SDK2: variants seen among roughly 807,000 people sequenced by gnomAD.
SDK2 encodes protein sidekick-2.
A neutral mutation model predicts 253.9 loss-of-function variants in SDK2; 105 were observed. That is an observed-to-expected ratio of 0.41 (90% CI 0.35 to 0.49). The LOEUF (loss-of-function observed/expected upper bound fraction) is 0.49. SDK2 is among the 20% of genes least tolerant of loss of function. The pLI, the probability that SDK2 is intolerant of heterozygous loss-of-function variation, is 0.06. For synonymous variants in SDK2, 1,249 were observed against 1,234.9 expected (o/e 1.01, Z -0.24); for missense variants, 2,608 against 3,003.0 (o/e 0.87, Z 3.07).
chr17:73,415,926 G>A lies in SDK2; in HGVS notation c.2253C>T (p.Asn751=), dbSNP rs1281574954. ...FKNITDADVN[N]LLLEDLIIWT... ...AAATGATGAGATCCTCCAGCAGCAG[G>A]TTGTTCACATCAGCATCCGTGATGT... Residue 751 remains asparagine (N), a synonymous_variant, in exon 17 of 45, where the codon AAC becomes AAT. Transcript: ENST00000392650. 6.2e-7 allele frequency: 1 copy of A among 1,610,692 alleles called. No individual in the cohort carries two copies. Among genetic ancestry groups the A allele is most frequent in the South Asian group, 1.1e-5 (1 of 90,024 alleles).
intron 2 of SDK2, among the ~76,000 whole-genome samples, chr17:73,498,368 C>T (rs2063860223): frequency 6.6e-6 from 1 of 152,220 alleles, no homozygotes; most frequent in Admixed American, 6.5e-5. Context: ...GCTGTTGCTC[C>T]TCAGCCATGG....
At chr17:73,502,095 A>G (rs971250414) in intron 2 of SDK2, among the ~76,000 whole-genome samples, 4 of 145,734 alleles carry the variant, frequency 2.7e-5, no homozygotes, top group Non-Finnish European at 3.1e-5. Context: ...ACACACACAC[A>G]CACACACACA....
At chr17:73,364,903 G>A (rs940260874) in intron 38 of SDK2, among the ~76,000 whole-genome samples, 1 of 152,144 alleles carries the variant, frequency 6.6e-6, no homozygotes, top group Admixed American at 6.6e-5. Context: ...CATTACAGGC[G>A]TGAGCCACCG....
At chr17:73,360,453 G>A (rs2145419363) in intron 39 of SDK2, among the ~76,000 whole-genome samples, 1 of 152,292 alleles carries the variant, frequency 6.6e-6, no homozygotes, top group East Asian at 1.9e-4. Flanking sequence ...GGAGGAGATG[G>A]GATTTTAGGG....
chr17:73,548,092 C>T (rs995157026), intron 1 of SDK2, among the ~76,000 whole-genome samples: 1 of 152,202 alleles, frequency 6.6e-6, no homozygotes, highest in Non-Finnish European at 1.5e-5. Flanking sequence ...GGCCCCCCAC[C>T]TTTAACACGT....
In SDK2 at chr17:73,352,370, T is replaced by C. The variant is rs1447866918; in HGVS notation, c.5758+103A>G. 1 of 1,393,330 alleles carries C rather than the reference T, an allele frequency of 7.2e-7. No homozygotes were observed. Among genetic ancestry groups the C allele is most frequent in the Non-Finnish European group, 9.7e-7 (1 of 1,031,922 alleles). The allele number at this position is 1,393,330 out of a possible 1,614,324, so 86.3% of individuals were successfully genotyped here. A position where few individuals can be genotyped will look rare whatever the true frequency, so the allele number is the denominator to read the frequency against. ...ACAATGTGTTTTTGTTCCCGCCCCA[T>C]GCTCCTGGTGCCCTGGTGCCTCTCC... On this transcript the variant is annotated intron_variant, in intron 41 of 44. Transcript: ENST00000392650. This position sits in a 1 kb window ranked among gnomAD's most constrained non-coding sequence, Gnocchi z 4.1.
intron 40 of SDK2, among the ~76,000 whole-genome samples, chr17:73,354,004 T>C (rs1323431049): frequency 6.6e-6 from 1 of 152,078 alleles, no homozygotes. Flanking sequence ...CCCGGTCTTT[T>C]TCTTTTCTTT....
intron 1 of SDK2, among the ~76,000 whole-genome samples, chr17:73,602,198 A>G (rs1313977265): frequency 1.3e-5 from 2 of 152,228 alleles, no homozygotes; most frequent in African/African-American, 4.8e-5. Flanking sequence ...AGGCAGTGAC[A>G]CAACTGAGGC....
intron 28 of SDK2, among the ~76,000 whole-genome samples, 151 bp from the exon 29 acceptor site, chr17:73,390,632 T>G (rs532965204): frequency 6.6e-6 from 1 of 152,342 alleles, no homozygotes; most frequent in African/African-American, 2.4e-5. Flanking sequence ...GCCTGAGGTC[T>G]CTGGGTCACT....
chr17:73,393,983 G>A (rs942719664), intron 26 of SDK2, among the ~76,000 whole-genome samples: 4 of 152,188 alleles, frequency 2.6e-5, no homozygotes, highest in East Asian at 1.9e-4. Flanking sequence ...GTGGCCTCCC[G>A]GGAGAGATGG....
intron 2 of SDK2, among the ~76,000 whole-genome samples, chr17:73,486,392 T>A (rs1360432706): frequency 1.3e-5 from 2 of 151,998 alleles, no homozygotes; most frequent in Non-Finnish European, 2.9e-5. Flanking sequence ...GGGGACGGCT[T>A]GAGGCCAGGA....
chr17:73,621,673 A>G (rs1451768047), intron 1 of SDK2, among the ~76,000 whole-genome samples: 1 of 152,018 alleles, frequency 6.6e-6, no homozygotes, highest in Non-Finnish European at 1.5e-5. Flanking sequence ...TATCAGATTT[A>G]AAAATTCACT....
rs141460016 is a variant in SDK2, at chr17:73,627,825, G to A, written c.64+16200C>T. Among the ~76,000 whole-genome samples, 559 of 152,256 alleles carry A rather than the reference G, an allele frequency of 3.7e-3. 5 individuals carry two copies. The highest frequency in any genetic ancestry group is 0.013 in the African/African-American group (525 of 41,562). On this transcript the variant is annotated intron_variant, in intron 1 of 44. Transcript: ENST00000392650. ...GCACTTTGGGAGGCCGAGATTGGGC[G>A]GATCACGAGATCAGGAGTTCGAGAC...
chr17:73,408,339 T>TC (rs1361959779), intron 18 of SDK2, among the ~76,000 whole-genome samples: 4 of 151,282 alleles, frequency 2.6e-5, no homozygotes, highest in South Asian at 2.1e-4. Context: ...TGCCTCAGCC[T>TC]CCCGAGTAGC....
chr17:73,533,390 C>A (rs2064186133), intron 1 of SDK2, among the ~76,000 whole-genome samples: 1 of 152,244 alleles, frequency 6.6e-6, no homozygotes, highest in African/African-American at 2.4e-5. Flanking sequence ...GCGGGCACAT[C>A]CCCTGGCAGT....
At chr17:73,626,290 G>A (rs2046200273) in intron 1 of SDK2, among the ~76,000 whole-genome samples, 1 of 152,218 alleles carries the variant, frequency 6.6e-6, no homozygotes, top group Non-Finnish European at 1.5e-5. Flanking sequence ...GTTGGCCGGG[G>A]CTCGGGAGGG....
At chr17:73,412,104 A>G (rs1310948490) in intron 18 of SDK2, among the ~76,000 whole-genome samples, 1 of 54,082 alleles carries the variant, frequency 1.8e-5, no homozygotes, top group Non-Finnish European at 4.6e-5. Flanking sequence ...GTATATATGT[A>G]TACGTATATA....
chr17:73,483,707 A>T (rs60376839), intron 2 of SDK2, among the ~76,000 whole-genome samples: 27,628 of 63,852 alleles, frequency 0.43, 5,782 homozygotes, highest in East Asian at 0.65. Context: ...ATATATATAT[A>T]TTTTTTTTTT....
chr17:73,464,433 T>C (rs561605665), intron 3 of SDK2, among the ~76,000 whole-genome samples: 3 of 152,380 alleles, frequency 2.0e-5, no homozygotes, highest in African/African-American at 4.8e-5. Flanking sequence ...CATGTGGAAC[T>C]GTGAGTCAAT....
Sources: gnomAD v4.1 joint callset for allele counts (sites outside exome capture counted in the v4.1 genomes callset) on GRCh38, gnomAD v4.1.1 for gene constraint, Gnocchi (gnomAD v3.1) non-coding constraint, MANE v1.5 for transcripts, NCBI Gene and HGNC (gene_info 2026-07-23, HGNC 2026-07-21) for gene names.